Variants in ZMYM2 observed in about 807,000 individuals in gnomAD.
ZMYM2 encodes the protein zinc finger MYM-type protein 2.
A neutral mutation model predicts 162.8 loss-of-function variants in ZMYM2; 56 were observed. The observed-to-expected ratio is 0.34, with a 90% CI of 0.28 to 0.43. The LOEUF (loss-of-function observed/expected upper bound fraction) is 0.43. Ranked by LOEUF, ZMYM2 falls within the 20% of genes least tolerant of loss-of-function variation. The probability of loss-of-function intolerance (pLI) is 1.00; values close to 1 mark genes in which losing one functional copy is unlikely to be tolerated. For synonymous variants in ZMYM2, 510 were observed against 541.6 expected (o/e 0.94, Z 0.81); for missense variants, 1,275 against 1,621.8 (o/e 0.79, Z 3.67).
In ZMYM2 at chr13:19,993,720, T is replaced by C; in HGVS notation, c.648T>C (p.His216=). 1 of 1,614,032 alleles carries C rather than the reference T, an allele frequency of 6.2e-7. No homozygotes were observed. Among genetic ancestry groups the C allele is most frequent in the African/African-American group, 1.3e-5 (1 of 75,072 alleles). Residue 216 remains histidine, a synonymous_variant, in exon 3 of 25, where the codon CAT becomes CAC. Transcript: ENST00000610343. ...GAGATATGAACTTAATGATTACACA[T>C]GTAACATCACTGCAGAATACCAACT... The part of the protein sequence containing the change: ...DGRDMNLMIT[H]VTSLQNTNLG...
chr13:20,059,173 G>C (rs1046112475), intron 15 of ZMYM2, among the ~76,000 whole-genome samples: 1 of 151,784 alleles, frequency 6.6e-6, no homozygotes, highest in Middle Eastern at 3.4e-3. Flanking sequence ...GAGTATGGTA[G>C]GGTATCTGGA....
At chr13:19,965,481 G>A (rs1045200690) in intron 2 of ZMYM2, among the ~76,000 whole-genome samples, 15 of 152,094 alleles carry the variant, frequency 9.9e-5, no homozygotes, top group African/African-American at 3.6e-4. Flanking sequence ...TTAACAAATT[G>A]GATATTACAA....
At chr13:20,050,402 G>C (rs549871223) in intron 12 of ZMYM2, among the ~76,000 whole-genome samples, 2 of 151,816 alleles carry the variant, frequency 1.3e-5, no homozygotes, top group African/African-American at 2.4e-5. Flanking sequence ...CTCTAGATTA[G>C]AGTAATAAAG....
intron 2 of ZMYM2, among the ~76,000 whole-genome samples, chr13:19,986,360 A>G (rs1949139205): frequency 6.7e-6 from 1 of 149,792 alleles, no homozygotes; most frequent in South Asian, 2.1e-4. Flanking sequence ...CTCAGAAAAA[A>G]CAAACAAAAA....
At chr13:19,925,955 G>T in the ZMYM2 span, among the ~76,000 whole-genome samples, 21 of 150,504 alleles carry the variant, frequency 1.4e-4, no homozygotes, top group African/African-American at 4.9e-4. Flanking sequence ...ATTTGTAGAA[G>T]ATGAAAATTA....
the ZMYM2 span, among the ~76,000 whole-genome samples, chr13:19,884,635 A>G: frequency 1.3e-5 from 2 of 152,128 alleles, no homozygotes; most frequent in African/African-American, 4.8e-5. Flanking sequence ...GGTGACACGT[A>G]CTTAGTTTGG....
At chr13:20,032,687 C>T (rs757279380) in intron 10 of ZMYM2, among the ~76,000 whole-genome samples, 1 of 130,408 alleles carries the variant, frequency 7.7e-6, no homozygotes, top group Non-Finnish European at 1.5e-5. Context: ...TGGCTCACTT[C>T]AACCTCCACC....
chr13:20,067,886 C>T (rs1956798212), intron 21 of ZMYM2, among the ~76,000 whole-genome samples: 2 of 152,070 alleles, frequency 1.3e-5, no homozygotes, highest in African/African-American at 4.8e-5. Context: ...CAGATTTGTG[C>T]CCAGAAGTCA....
the ZMYM2 span, among the ~76,000 whole-genome samples, chr13:19,897,659 G>A: frequency 3.3e-5 from 5 of 151,348 alleles, no homozygotes; most frequent in African/African-American, 7.3e-5. Context: ...TACTAATACC[G>A]GACAAAATAG....
the ZMYM2 span, among the ~76,000 whole-genome samples, chr13:19,882,356 G>A: frequency 1.6e-4 from 25 of 152,232 alleles, no homozygotes; most frequent in East Asian, 4.8e-3. Flanking sequence ...AATTAAAAAT[G>A]GATTAAGGAC....
At chr13:19,997,997 CAA>C (rs901025199) in intron 3 of ZMYM2, among the ~76,000 whole-genome samples, 1 of 152,102 alleles carries the variant, frequency 6.6e-6, no homozygotes, top group African/African-American at 2.4e-5. Context: ...ATTGCTGGAT[CAA>C]AGAGACCGTA....
chr13:19,962,728 T>G (rs1188428232), intron 2 of ZMYM2, among the ~76,000 whole-genome samples: 1 of 151,496 alleles, frequency 6.6e-6, no homozygotes. Context: ...TTCACCATGT[T>G]GGTCAGGCTG....
chr13:19,928,034 C>T, the ZMYM2 span, among the ~76,000 whole-genome samples: 1 of 152,028 alleles, frequency 6.6e-6, no homozygotes, highest in African/African-American at 2.4e-5. Flanking sequence ...GAGACAAGGT[C>T]TTGCTTTGTT....
intron 12 of ZMYM2, among the ~76,000 whole-genome samples, chr13:20,048,467 C>T (rs1340776437): frequency 1.3e-5 from 2 of 151,914 alleles, no homozygotes; most frequent in Non-Finnish European, 2.9e-5. Flanking sequence ...CCATTGTGCT[C>T]AGAAAGCTGT....
chr13:19,985,945 G>A (rs567163993), intron 2 of ZMYM2, among the ~76,000 whole-genome samples: 122 of 152,140 alleles, frequency 8.0e-4, no homozygotes, highest in Non-Finnish European at 1.6e-3. Context: ...CAGCTACTCA[G>A]GAGGTTGAGG....
chr13:20,040,088 G>C (rs1954104664), intron 12 of ZMYM2, among the ~76,000 whole-genome samples: 1 of 152,202 alleles, frequency 6.6e-6, no homozygotes, highest in Admixed American at 6.5e-5. Context: ...GTATCAGGAT[G>C]ATGCTGGCCT....
rs1157297768 is a variant in ZMYM2 at position 20,088,085 on chromosome 13, C to T, written c.*2071C>T. On this transcript the variant is annotated 3_prime_UTR_variant, in exon 25 of 25. Transcript: ENST00000610343. ...CACCTTGTCTTGCTATTTACAGTTTCTTCATTTGTATATTTTTAGCTTTTC... is the reference window on the plus strand; with the variant it reads ...CACCTTGTCTTGCTATTTACAGTTTTTTCATTTGTATATTTTTAGCTTTTC... 1 of 198,956 alleles carries T rather than the reference C, an allele frequency of 5.0e-6. No homozygotes were observed. Among genetic ancestry groups the T allele is most frequent in the Non-Finnish European group, 1.0e-5 (1 of 96,128 alleles). 12.3% of individuals were successfully genotyped at this position (198,956 alleles called of 1,614,324 possible).
intron 2 of ZMYM2, among the ~76,000 whole-genome samples, chr13:19,976,376 C>T (rs1277653202): frequency 6.6e-6 from 1 of 150,856 alleles, no homozygotes; most frequent in Admixed American, 6.6e-5. Flanking sequence ...AATCCTAGTG[C>T]GTGTGAAATG....
chr13:19,938,929 T>C, the ZMYM2 span, among the ~76,000 whole-genome samples: 1 of 151,896 alleles, frequency 6.6e-6, no homozygotes, highest in Non-Finnish European at 1.5e-5. Context: ...TTCTTTTTTG[T>C]ACAAAGGAAA....
Sources: gnomAD v4.1 joint callset for allele counts (sites outside exome capture counted in the v4.1 genomes callset) on GRCh38, gnomAD v4.1.1 for gene constraint, MANE v1.5 for transcripts, NCBI Gene and HGNC (gene_info 2026-07-23, HGNC 2026-07-21) for gene names.